Variants in BCL2 observed in about 807,000 individuals in gnomAD.
The protein encoded by BCL2 is apoptosis regulator Bcl-2.
BCL2 carries 1 observed loss-of-function variant against 14.2 expected under a neutral mutation model. That is an observed-to-expected ratio of 0.07 (90% CI 0.02 to 0.33). The LOEUF (loss-of-function observed/expected upper bound fraction) is 0.33, where lower values mean the gene tolerates loss of function less well. Among genes scored for constraint, BCL2 ranks in the 10% least tolerant of loss-of-function variants. The probability of loss-of-function intolerance (pLI) is 0.99; values close to 1 mark genes in which losing one functional copy is unlikely to be tolerated. For missense variants in BCL2, 247 were observed against 305.9 expected (o/e 0.81, Z 1.44); for synonymous variants, 151 against 137.2 (o/e 1.10, Z -0.70).
At chr18:63,218,721 C>CAT (rs1449099095) in intron 2 of BCL2, among the ~76,000 whole-genome samples, 1 of 128,392 alleles carries the variant, frequency 7.8e-6, no homozygotes, top group Non-Finnish European at 1.7e-5. Flanking sequence ...ATCCTCCACT[C>CAT]CTCCCCATCC....
rs139160944 is a variant in BCL2 at position 63,240,050 on chromosome 18, C to T, written c.585+78032G>A. Among the ~76,000 whole-genome samples, 13 of 152,294 alleles carry T rather than the reference C, an allele frequency of 8.5e-5. No individual in the cohort carries two copies. The East Asian group carries it at 2.5e-3, about 29-fold the overall frequency. On this transcript the variant is annotated intron_variant, in intron 2 of 2. Transcript: ENST00000333681. Reference sequence around the variant, plus strand: ...TGTCTCCCAGGCTGGAGTGCAGTGGCATAAACTTGGCTCACTACAATCTCT... The same window carrying T: ...TGTCTCCCAGGCTGGAGTGCAGTGGTATAAACTTGGCTCACTACAATCTCT...
At chr18:63,295,999 C>A (rs1262416935) in intron 2 of BCL2, among the ~76,000 whole-genome samples, 1 of 152,142 alleles carries the variant, frequency 6.6e-6, no homozygotes. Context: ...CTGCCCTTCC[C>A]CAATGGGCCT....
At chr18:63,132,172 A>C (rs1472470012) in intron 2 of BCL2, among the ~76,000 whole-genome samples, 2 of 152,152 alleles carry the variant, frequency 1.3e-5, no homozygotes, top group Non-Finnish European at 2.9e-5. Flanking sequence ...CCTGGCTTTG[A>C]TATTTTATTA....
At chr18:63,135,534 C>A (rs1266446081) in intron 2 of BCL2, among the ~76,000 whole-genome samples, 2 of 152,176 alleles carry the variant, frequency 1.3e-5, no homozygotes, top group Admixed American at 6.5e-5. Context: ...GTGAACACTG[C>A]CTTTTACTTC....
intron 2 of BCL2, among the ~76,000 whole-genome samples, chr18:63,271,243 C>T (rs1911994854): frequency 6.6e-6 from 1 of 152,192 alleles, no homozygotes; most frequent in African/African-American, 2.4e-5. Context: ...CTTTCCCAGT[C>T]TCTTGGAATT....
At chr18:63,166,134 G>T (rs1915039013) in intron 2 of BCL2, among the ~76,000 whole-genome samples, 1 of 152,174 alleles carries the variant, frequency 6.6e-6, no homozygotes, top group African/African-American at 2.4e-5. Flanking sequence ...GGGCTTGGGG[G>T]GCACTCACGG....
intron 2 of BCL2, among the ~76,000 whole-genome samples, chr18:63,258,826 G>A (rs899736554): frequency 2.0e-5 from 3 of 152,196 alleles, no homozygotes; most frequent in South Asian, 4.1e-4. Context: ...ACGGGTTTGC[G>A]TCATCGATGA....
rs894432707 is a variant in BCL2, at chr18:63,280,489, A to G, written c.585+37593T>C. 9.2e-5 allele frequency among the ~76,000 whole-genome samples: 14 copies of G among 152,218 alleles called. No individual in the cohort carries two copies. In the South Asian group the frequency reaches 1.7e-3, roughly 18 times the overall value. On this transcript the variant is annotated intron_variant, in intron 2 of 2. Transcript: ENST00000333681. ...GAACGCCTACAACTCAATAACAACA[A>G]AACAACCTGATTTTAAAAAATCAAC...
intron 2 of BCL2, among the ~76,000 whole-genome samples, chr18:63,153,302 T>C (rs889130976): frequency 1.3e-5 from 2 of 152,216 alleles, no homozygotes; most frequent in African/African-American, 4.8e-5. Flanking sequence ...GAGGATGAAA[T>C]GACTTCTGTG....
At chr18:63,264,692 T>C (rs1299318695) in intron 2 of BCL2, among the ~76,000 whole-genome samples, 3 of 136,804 alleles carry the variant, frequency 2.2e-5, no homozygotes, top group Non-Finnish European at 5.1e-5. Context: ...ACTGACATCG[T>C]AGAAATTTTT....
chr18:63,177,469 C>T (rs1173393189), intron 2 of BCL2, among the ~76,000 whole-genome samples: 1 of 152,196 alleles, frequency 6.6e-6, no homozygotes, highest in Admixed American at 6.5e-5. Flanking sequence ...CCAGGGGACC[C>T]TGTTGCAGTT....
In BCL2 at chr18:63,128,620, T is replaced by C. The variant is rs769872480; in HGVS notation, c.*5A>G. ...GCATATTTGTTTGGGGCAGGCATGT[T>C]GACTTCACTTGTGGCCCAGATAGGC... is the stretch of plus-strand genomic sequence containing the variant. On this transcript the variant is annotated 3_prime_UTR_variant, in exon 3 of 3. Transcript: ENST00000333681. 1.7e-5 allele frequency: 13 copies of C among 780,740 alleles called. No individual in the cohort carries two copies. The African/African-American group carries it at 1.9e-4, about 11-fold the overall frequency. 48.4% of individuals were successfully genotyped at this position (780,740 alleles called of 1,614,324 possible).
intron 2 of BCL2, among the ~76,000 whole-genome samples, chr18:63,252,520 T>C (rs887890495): frequency 2.0e-5 from 3 of 152,170 alleles, no homozygotes; most frequent in African/African-American, 7.2e-5. Flanking sequence ...AATTGAATTA[T>C]GGTGGTAGGT....
At chr18:63,279,744 A>C (rs570353690) in intron 2 of BCL2, among the ~76,000 whole-genome samples, 1 of 152,382 alleles carries the variant, frequency 6.6e-6, no homozygotes, top group East Asian at 1.9e-4. Flanking sequence ...AAAATGAACA[A>C]ACTTTAGCTT....
chr18:63,299,105 C>T (rs1352462050), intron 2 of BCL2, among the ~76,000 whole-genome samples: 3 of 152,178 alleles, frequency 2.0e-5, no homozygotes, highest in Non-Finnish European at 4.4e-5. Flanking sequence ...AAGAAATACA[C>T]GAATAGTGAT....
At chr18:63,294,423 C>T (rs745392173) in intron 2 of BCL2, among the ~76,000 whole-genome samples, 1 of 152,100 alleles carries the variant, frequency 6.6e-6, no homozygotes, top group South Asian at 2.1e-4. Flanking sequence ...AATCCCTGCA[C>T]TTTGGGAGGC....
intron 2 of BCL2, among the ~76,000 whole-genome samples, chr18:63,254,666 T>C (rs1911419968): frequency 6.6e-6 from 1 of 152,188 alleles, no homozygotes; most frequent in Non-Finnish European, 1.5e-5. Flanking sequence ...CATCCATATG[T>C]TTGTGTTATA....
Position 63,264,939 on chromosome 18 carries a change from A to G in BCL2, c.585+53143T>C, listed in dbSNP as rs552430142. Among the ~76,000 whole-genome samples the G allele has an allele frequency of 0.026, 3 of 116 alleles. No homozygotes were observed. In the East Asian group the frequency reaches 0.38, roughly 14 times the overall value. The allele number at this position is 116 out of a possible 152,430, so 0.1% of individuals were successfully genotyped here. A position where few individuals can be genotyped will look rare whatever the true frequency, so the allele number is the denominator to read the frequency against. On this transcript the variant is annotated intron_variant, in intron 2 of 2. Coordinates refer to ENST00000333681, the MANE Select transcript of BCL2 (RefSeq NM_000633.3). Reference sequence around the variant, plus strand: ...TGTGGCAAGGGGCTGCAGGGGGCCCAAAGGAAAGAACACGGACTCTCACCG... The same window carrying G: ...TGTGGCAAGGGGCTGCAGGGGGCCCGAAGGAAAGAACACGGACTCTCACCG...
intron 2 of BCL2, among the ~76,000 whole-genome samples, chr18:63,218,307 T>C (rs577040072): frequency 6.6e-5 from 10 of 152,104 alleles, no homozygotes; most frequent in Non-Finnish European, 1.3e-4. Flanking sequence ...AGCAAGTCTA[T>C]TGGTAGGAAC....
Sources: allele counts gnomAD v4.1 joint callset (sites outside exome capture counted in the v4.1 genomes callset), GRCh38; gene constraint gnomAD v4.1.1; transcripts MANE v1.5; gene names NCBI Gene and HGNC (gene_info 2026-07-23, HGNC 2026-07-21).